Variants in CHM observed in about 807,000 individuals in gnomAD.
CHM encodes CHM Rab escort protein.
A neutral mutation model predicts 49.0 loss-of-function variants in CHM; 10 were observed. The ratio of observed to expected loss-of-function variants is 0.20; its 90% CI spans 0.13 to 0.35. The LOEUF is 0.35. CHM is among the 10% of genes least tolerant of loss of function. The probability of loss-of-function intolerance (pLI) is 1.00; values close to 1 mark genes in which losing one functional copy is unlikely to be tolerated. For synonymous variants in CHM, 184 were observed against 167.5 expected (o/e 1.10, Z -0.76); for missense variants, 455 against 478.4 (o/e 0.95, Z 0.46).
intron 9 of CHM, among the ~76,000 whole-genome samples, chrX:85,909,605 C>T (rs931010298): frequency 1.8e-5 from 2 of 111,775 alleles, no homozygotes; most frequent in Non-Finnish European, 3.8e-5. Context: ...CTATCTGTTG[C>T]AACTGGAATC....
intron 8 of CHM, among the ~76,000 whole-genome samples, chrX:85,914,290 TG>T (rs1327469480): frequency 9.0e-6 from 1 of 110,778 alleles, no homozygotes; most frequent in Non-Finnish European, 1.9e-5. Flanking sequence ...TGTGAGCAAC[TG>T]GACCTGGAGA....
At chrX:86,035,354 T>C (rs751165918) in intron 1 of CHM, among the ~76,000 whole-genome samples, 48 of 111,866 alleles carry the variant, frequency 4.3e-4, no homozygotes, top group Non-Finnish European at 8.5e-4. Flanking sequence ...CGTAGCTAAT[T>C]ATGGTATTAT....
At chrX:85,933,371 C>T (rs1482166539) in intron 8 of CHM, among the ~76,000 whole-genome samples, 1 of 111,871 alleles carries the variant, frequency 8.9e-6, no homozygotes, top group East Asian at 2.8e-4. Flanking sequence ...TATCAATTTC[C>T]TAATCCTCAT....
chrX:85,997,353 T>C (rs761261764), intron 2 of CHM, among the ~76,000 whole-genome samples: 16 of 111,684 alleles, frequency 1.4e-4, no homozygotes, highest in Non-Finnish European at 2.4e-4. Flanking sequence ...TGTTTTATTG[T>C]TCACCTCGAT....
At chrX:85,917,690 G>T (rs1186497247) in intron 8 of CHM, among the ~76,000 whole-genome samples, 1 of 109,044 alleles carries the variant, frequency 9.2e-6, no homozygotes, top group Non-Finnish European at 1.9e-5. Context: ...GTTGAAAGAT[G>T]ACTTAGCCAT....
intron 4 of CHM, among the ~76,000 whole-genome samples, chrX:85,976,874 A>AC (rs1491220704): frequency 0.017 from 949 of 56,866 alleles, 6 homozygotes; most frequent in African/African-American, 0.022. Flanking sequence ...AAACACACAC[A>AC]AACACACACA....
chrX:86,019,643 G>C (rs1933455593), intron 2 of CHM: 1 of 112,078 alleles, frequency 8.9e-6, no homozygotes, highest in African/African-American at 3.2e-5. Context: ...ACAACTAATT[G>C]ATCATAATCA....
chrX:85,994,323 C>G (rs1396207585), intron 2 of CHM, among the ~76,000 whole-genome samples: 1 of 111,916 alleles, frequency 8.9e-6, no homozygotes, highest in African/African-American at 3.2e-5. Flanking sequence ...AAAATGTGAA[C>G]ACAGAAGAAC....
intron 2 of CHM, among the ~76,000 whole-genome samples, chrX:85,984,664 CTTTA>C (rs758615438): frequency 8.9e-6 from 1 of 111,771 alleles, no homozygotes; most frequent in Non-Finnish European, 1.9e-5. Flanking sequence ...TCCACAGCAG[CTTTA>C]TTAATAGCCC....
intron 2 of CHM, among the ~76,000 whole-genome samples, chrX:85,996,669 C>G (rs1231847194): frequency 9.0e-6 from 1 of 111,356 alleles, no homozygotes. Flanking sequence ...AAGGAAATTC[C>G]TTATATATAT....
At chrX:86,011,166 C>T (rs1208910879) in intron 2 of CHM, among the ~76,000 whole-genome samples, 2 of 111,577 alleles carry the variant, frequency 1.8e-5, no homozygotes, top group African/African-American at 6.5e-5. Context: ...GATCCCCCAT[C>T]TTTAAGAGTC....
At chrX:85,913,097 G>A (rs760097830) in intron 8 of CHM, among the ~76,000 whole-genome samples, 1 of 99,678 alleles carries the variant, frequency 1.0e-5, no homozygotes, top group Admixed American at 1.1e-4. Context: ...GGCCAAGGCA[G>A]GCAGATCACC....
intron 2 of CHM, among the ~76,000 whole-genome samples, chrX:85,992,330 T>C (rs939628172): frequency 3.6e-5 from 4 of 111,704 alleles, no homozygotes; most frequent in Admixed American, 2.9e-4. Context: ...TTATCTCACA[T>C]TTAATGTGCA....
At chrX:85,971,645 G>A (rs1171604807) in intron 4 of CHM, 3 of 248,180 alleles carry the variant, frequency 1.2e-5, no homozygotes, top group South Asian at 4.1e-5. Flanking sequence ...AGCCTCCACA[G>A]TGTGGAAGGG....
At chrX:85,890,530 G>A (rs1023736609) in intron 12 of CHM, among the ~76,000 whole-genome samples, 3 of 111,520 alleles carry the variant, frequency 2.7e-5, no homozygotes, top group African/African-American at 9.8e-5. Context: ...TAGTGAATAA[G>A]TCTCAAGAGA....
chrX:85,950,725 G>C (rs1353956307), intron 8 of CHM, among the ~76,000 whole-genome samples: 1 of 111,555 alleles, frequency 9.0e-6, no homozygotes, highest in Admixed American at 9.5e-5. Flanking sequence ...TTGAACCATA[G>C]GATAATGTAG....
intron 1 of CHM, among the ~76,000 whole-genome samples, chrX:86,034,637 A>C (rs1934167714): frequency 9.0e-6 from 1 of 110,689 alleles, no homozygotes; most frequent in Non-Finnish European, 1.9e-5. Context: ...AAAAATAGCC[A>C]GGCATGGTGG....
At chrX:86,045,025 T>C (rs1414210842) in intron 1 of CHM, among the ~76,000 whole-genome samples, 1 of 112,312 alleles carries the variant, frequency 8.9e-6, no homozygotes, top group African/African-American at 3.2e-5. Context: ...TGCAAGTTAA[T>C]CAAGGTGAAA....
At position 85,908,779 on chromosome X, in the gene CHM, C is replaced by T. The variant is rs1926754037; in HGVS notation, c.1244+2482G>A. Among the ~76,000 whole-genome samples the T allele has an allele frequency of 2.7e-5, 3 of 111,402 alleles. No homozygotes were observed. The South Asian group carries it at 1.1e-3, about 42-fold the overall frequency. On this transcript the variant is annotated intron_variant, in intron 9 of 14. Coordinates refer to ENST00000357749, the MANE Select transcript of CHM (RefSeq NM_000390.4). ...TAATATAACAATATAATTAATAGCA[C>T]AAGAAGACTGTGTGCTATTTAATTT...
Sources: gnomAD v4.1 joint callset for allele counts (sites outside exome capture counted in the v4.1 genomes callset) on GRCh38, gnomAD v4.1.1 for gene constraint, MANE v1.5 for transcripts, NCBI Gene and HGNC (gene_info 2026-07-23, HGNC 2026-07-21) for gene names.